Variants in WHRN observed in about 807,000 individuals in gnomAD.
WHRN encodes whirlin.
WHRN carries 41 observed loss-of-function variants against 68.3 expected under a neutral mutation model. The ratio of observed to expected loss-of-function variants is 0.60; its 90% confidence interval spans 0.47 to 0.78. WHRN has a LOEUF of 0.78. WHRN is among the 30% of genes least tolerant of loss of function. The pLI is 0.00. For synonymous variants in WHRN, 560 were observed against 561.3 expected, an observed-to-expected ratio of 1.00 and a Z score of 0.03; for missense variants, 1,243 against 1,244.7, an observed-to-expected ratio of 1.00 and a Z score of 0.02.
chr9:114,472,285 G>C (rs548547322), intron 2 of WHRN, among the ~76,000 whole-genome samples: 2 of 152,272 alleles, frequency 1.3e-5, no homozygotes, highest in South Asian at 2.1e-4. Flanking sequence ...TCACTCAGAG[G>C]AAAGTCCCCA....
intron 1 of WHRN, among the ~76,000 whole-genome samples, chr9:114,487,725 C>T (rs970332310): frequency 3.3e-5 from 5 of 152,174 alleles, no homozygotes; most frequent in African/African-American, 1.2e-4. Context: ...TTGCCAGTGT[C>T]CCCTGGGGCA....
intron 3 of WHRN, among the ~76,000 whole-genome samples, chr9:114,441,105 C>G (rs1381720196): frequency 6.6e-6 from 1 of 152,274 alleles, no homozygotes; most frequent in East Asian, 1.9e-4. Flanking sequence ...CAGTAAGGCA[C>G]TATAAATGTA....
Position 114,404,031 on chromosome 9 carries a change from G to A in WHRN, c.2283C>T (p.Ser761=), listed in dbSNP as rs34963246. ...CGCCAGCATCCACACCACTGTCCTC[G>A]CTTAGAGTCTGCCCGCTGTCCGAGA... ...SQLSDSGQTL[S]EDSGVDAGEA... Residue 761 remains serine, a synonymous_variant, in exon 10 of 12, where the codon AGC becomes AGT. Transcript: ENST00000362057. The A allele has an allele frequency of 0.093, 149,398 of 1,613,262 alleles. 8,045 individuals carry two copies. The highest frequency in any genetic ancestry group is 0.2 in the African/African-American group (14,723 of 75,044).
chr9:114,422,656 A>C (rs1836406398), intron 7 of WHRN, among the ~76,000 whole-genome samples: 1 of 152,138 alleles, frequency 6.6e-6, no homozygotes, highest in Non-Finnish European at 1.5e-5. Flanking sequence ...TAACATGGCA[A>C]AACCCCGTCT....
At chr9:114,482,004 G>A (rs1842129655) in intron 1 of WHRN, among the ~76,000 whole-genome samples, 1 of 152,202 alleles carries the variant, frequency 6.6e-6, no homozygotes, top group African/African-American at 2.4e-5. Flanking sequence ...GTGGCACACA[G>A]TAGGTCCTTA....
chr9:114,423,781 T>C (rs1307257628), intron 6 of WHRN, among the ~76,000 whole-genome samples: 3 of 152,202 alleles, frequency 2.0e-5, no homozygotes, highest in Non-Finnish European at 4.4e-5. Flanking sequence ...CTGCAACATT[T>C]CATGCCACAA....
chr9:114,469,838 C>A (rs1357100363), intron 2 of WHRN, among the ~76,000 whole-genome samples: 1 of 152,274 alleles, frequency 6.6e-6, no homozygotes, highest in Non-Finnish European at 1.5e-5. Context: ...CTCCTAGAGG[C>A]TCCAGAGGAG....
Position 114,431,558 on chromosome 9 carries a change from C to A in WHRN, c.964-5145G>T, listed in dbSNP as rs192178228. ...TAGTGAATGGATGGGGGGACCCGGC[C>A]TTCCTCCTCTCTTGTTCTCACTTCT... On this transcript the variant is annotated intron_variant, in intron 3 of 11. Transcript: ENST00000362057. 2.7e-3 allele frequency among the ~76,000 whole-genome samples: 415 copies of A among 152,344 alleles called. 2 individuals are homozygous for A. The highest frequency in any genetic ancestry group is 3.3e-3 in the Non-Finnish European group (227 of 68,032).
intron 2 of WHRN, among the ~76,000 whole-genome samples, chr9:114,474,050 C>A (rs1036639859): frequency 6.6e-6 from 1 of 152,168 alleles, no homozygotes; most frequent in African/African-American, 2.4e-5. Context: ...TTCTCTCCTG[C>A]CACCCCTGGC....
At chr9:114,488,477 C>A (rs1256696083) in intron 1 of WHRN, among the ~76,000 whole-genome samples, 1 of 152,166 alleles carries the variant, frequency 6.6e-6, no homozygotes, top group Non-Finnish European at 1.5e-5. Context: ...ATTGCCCTCT[C>A]ACCAGCAGTT....
chr9:114,430,194 G>A (rs570987700), intron 3 of WHRN, among the ~76,000 whole-genome samples: 1 of 152,312 alleles, frequency 6.6e-6, no homozygotes, highest in East Asian at 1.9e-4. Context: ...AGGCCAGGAG[G>A]GCAGTGAGGG....
rs1218681189 is a variant in WHRN, at chr9:114,504,484, G to T, written c.318C>A (p.Phe106Leu). Residue 106 changes from phenylalanine (F) to leucine (L), a missense_variant, in exon 1 of 12, where the codon TTC becomes TTA. Transcript: ENST00000362057. ...AGAGGCCCTCGGCCGTGTATTGGTC[G>T]AAGAGCAGCTGGTCGGAGCGCGGGA... is the stretch of plus-strand genomic sequence containing the variant. ...LVIPRSDQLL[F>L]DQYTAEGLYL... 11 of 1,608,588 alleles carry T rather than the reference G, an allele frequency of 6.8e-6. No individual in the cohort carries two copies. In the Admixed American group the frequency reaches 1.7e-4, roughly 24 times the overall value.
intron 1 of WHRN, among the ~76,000 whole-genome samples, chr9:114,499,196 G>C (rs1449743556): frequency 2.0e-5 from 3 of 152,130 alleles, no homozygotes. Flanking sequence ...CTGACATCAG[G>C]AATGCACGGA....
chr9:114,486,935 T>TACA (rs1564217277), intron 1 of WHRN, among the ~76,000 whole-genome samples: 1 of 90,954 alleles, frequency 1.1e-5, no homozygotes, highest in Non-Finnish European at 2.4e-5. Context: ...AGAGTGTGTG[T>TACA]GTGTGTTGTG....
intron 3 of WHRN, 97 bp from the exon 4 acceptor site, chr9:114,426,510 C>T: frequency 1.4e-6 from 2 of 1,429,090 alleles, no homozygotes; most frequent in Middle Eastern, 4.3e-4. Context: ...CTGGGCCAGC[C>T]TGTCAAGGAG....
intron 1 of WHRN, chr9:114,491,789 G>A (rs535088346): frequency 7.5e-6 from 2 of 267,668 alleles, no homozygotes; most frequent in Non-Finnish European, 1.5e-5. Flanking sequence ...TGAGTGCCTG[G>A]AGCCAGTCCC....
chr9:114,462,101 T>C (rs1840291768), intron 3 of WHRN, among the ~76,000 whole-genome samples: 1 of 152,228 alleles, frequency 6.6e-6, no homozygotes, highest in Non-Finnish European at 1.5e-5. Context: ...CATCTCTTTG[T>C]AAATATGAAA....
rs953359329 is a variant in WHRN at position 114,473,627 on chromosome 9, G to A, written c.837+4926C>T. 1.1e-3 allele frequency among the ~76,000 whole-genome samples: 170 copies of A among 152,336 alleles called. 1 individual carries two copies. Among genetic ancestry groups the A allele is most frequent in the Non-Finnish European group, 1.8e-4 (12 of 68,036 alleles). ...TGAAATCTGAAAACTGCAGTGAAGA[G>A]ATAAGCCCCTGGGAAGCTGTGCTTC... On this transcript the variant is annotated intron_variant, in intron 2 of 11. Transcript: ENST00000362057.
intron 3 of WHRN, among the ~76,000 whole-genome samples, chr9:114,447,133 T>TA (rs1308659079): frequency 2.0e-5 from 3 of 152,148 alleles, no homozygotes; most frequent in Non-Finnish European, 4.4e-5. Flanking sequence ...GTCAGGCACA[T>TA]AGAGAGGCTC....
Sources: gnomAD v4.1 joint callset for allele counts (sites outside exome capture counted in the v4.1 genomes callset) on GRCh38, gnomAD v4.1.1 for gene constraint, MANE v1.5 for transcripts, NCBI Gene and HGNC (gene_info 2026-07-23, HGNC 2026-07-21) for gene names.